Variants in TBC1D5 observed in about 807,000 individuals in gnomAD.
The protein encoded by TBC1D5 is TBC1 domain family, member 5.
A neutral mutation model predicts 100.3 loss-of-function variants in TBC1D5; 75 were observed. That is an observed-to-expected ratio of 0.75 (90% CI 0.62 to 0.91). The LOEUF (loss-of-function observed/expected upper bound fraction) is 0.91. Ranked by LOEUF, TBC1D5 falls within the 40% of genes least tolerant of loss-of-function variation. TBC1D5 has a pLI of 0.00. For missense variants in TBC1D5, 910 were observed against 942.4 expected (o/e 0.97, Z 0.45); for synonymous variants, 323 against 325.6 (o/e 0.99, Z 0.09).
intron 1 of TBC1D5, among the ~76,000 whole-genome samples, chr3:17,734,244 G>A (rs948491504): frequency 1.3e-5 from 2 of 152,084 alleles, no homozygotes; most frequent in Non-Finnish European, 2.9e-5. Context: ...CTTTATAAAT[G>A]TTTTATATAC....
chr3:17,188,149 A>C (rs983844218), intron 18 of TBC1D5, among the ~76,000 whole-genome samples: 2 of 152,238 alleles, frequency 1.3e-5, no homozygotes, highest in Admixed American at 6.5e-5. Context: ...TTCCTCTAGC[A>C]GGAACATTAC....
chr3:17,215,386 C>G (rs1053928793), intron 17 of TBC1D5, among the ~76,000 whole-genome samples: 16 of 152,080 alleles, frequency 1.1e-4, no homozygotes, highest in African/African-American at 3.9e-4. Context: ...AGAGAAGAGT[C>G]AAGCTCAACT....
chr3:17,549,924 T>C (rs970495929), intron 2 of TBC1D5, among the ~76,000 whole-genome samples: 10 of 150,896 alleles, frequency 6.6e-5, no homozygotes, highest in African/African-American at 2.4e-4. Context: ...AATGAGACTC[T>C]GTCTAAAATA....
chr3:17,736,657 C>CCTAG (rs1312705110), intron 1 of TBC1D5, among the ~76,000 whole-genome samples: 1 of 152,140 alleles, frequency 6.6e-6, no homozygotes, highest in Non-Finnish European at 1.5e-5. Flanking sequence ...GTTAGGAACT[C>CCTAG]CTCTAGAACT....
chr3:17,161,883 T>C lies in TBC1D5; in HGVS notation c.2095-627A>G, dbSNP rs375351341. 2.6e-5 allele frequency among the ~76,000 whole-genome samples: 4 copies of C among 152,238 alleles called. No individual in the cohort carries two copies. In the East Asian group the frequency reaches 5.8e-4, roughly 22 times the overall value. ...TGCACACAGGGGTCTCCTGGAGCAA[T>C]GGTGGTAACCGGTAGGTTCTACAAA... On this transcript the variant is annotated intron_variant, in intron 21 of 21. Coordinates refer to ENST00000253692, the Ensembl canonical transcript of TBC1D5.
At chr3:17,383,741 G>A (rs1281436438) in intron 9 of TBC1D5, among the ~76,000 whole-genome samples, 172 bp downstream of exon 9, 1 of 149,934 alleles carries the variant, frequency 6.7e-6, no homozygotes, top group African/African-American at 2.5e-5. Context: ...AAGCATATGT[G>A]CTTCAATGAG....
intron 17 of TBC1D5, among the ~76,000 whole-genome samples, chr3:17,225,439 C>CAAAA (rs35631452): frequency 2.3e-5 from 2 of 88,348 alleles, no homozygotes; most frequent in Non-Finnish European, 4.4e-5. Context: ...GACTCGGTCT[C>CAAAA]AAAAAAAAAA....
intron 19 of TBC1D5, among the ~76,000 whole-genome samples, chr3:17,172,604 GAA>G (rs1206034077): frequency 6.6e-6 from 1 of 152,144 alleles, no homozygotes; most frequent in Non-Finnish European, 1.5e-5. Context: ...AACTAAAGGG[GAA>G]ACTGTCACAT....
chr3:17,316,857 T>C (rs940736428), intron 13 of TBC1D5, among the ~76,000 whole-genome samples: 11 of 152,310 alleles, frequency 7.2e-5, no homozygotes, highest in Non-Finnish European at 1.0e-4. Context: ...ATGCCAGCCC[T>C]GATTTGATCA....
intron 1 of TBC1D5, among the ~76,000 whole-genome samples, chr3:17,704,228 A>T (rs1290650303): frequency 7.4e-6 from 1 of 134,788 alleles, no homozygotes; most frequent in Non-Finnish European, 1.6e-5. Flanking sequence ...CAGAGAGCAC[A>T]GGGTTGGGGG....
chr3:17,270,792 A>C (rs887901172), intron 15 of TBC1D5, among the ~76,000 whole-genome samples: 3 of 152,092 alleles, frequency 2.0e-5, no homozygotes, highest in Non-Finnish European at 2.9e-5. Context: ...TAATTGTTGT[A>C]TATGGTGAAG....
rs537293094 is a variant in TBC1D5, at chr3:17,616,903, T to C, written c.-36+6946A>G. On this transcript the variant is annotated intron_variant, in intron 2 of 21. Transcript: ENST00000253692. ...GCCCATTTACATTTAAGGTTAATAT[T>C]GTTATGTGTGAATTTGATCCTGTCA... Among the ~76,000 whole-genome samples, 162 of 152,328 alleles carry C rather than the reference T, an allele frequency of 1.1e-3. 1 individual carries two copies. Among genetic ancestry groups the C allele is most frequent in the African/African-American group, 3.8e-3 (157 of 41,574 alleles).
intron 8 of TBC1D5, among the ~76,000 whole-genome samples, chr3:17,386,546 T>C (rs966880028): frequency 6.6e-6 from 1 of 152,200 alleles, no homozygotes; most frequent in African/African-American, 2.4e-5. Flanking sequence ...AGACCACAGC[T>C]TACACGTCTG....
chr3:17,384,085 C>A, intron 8 of TBC1D5, 70 bp from the exon 9 acceptor site: 2 of 1,350,868 alleles, frequency 1.5e-6, no homozygotes, highest in South Asian at 1.4e-5. Flanking sequence ...ATTCTCATCT[C>A]GAAGACGTGC....
intron 1 of TBC1D5, among the ~76,000 whole-genome samples, chr3:17,701,770 A>G (rs1051160700): frequency 2.6e-5 from 4 of 152,132 alleles, no homozygotes; most frequent in African/African-American, 9.7e-5. Flanking sequence ...GCAGGTATAT[A>G]TGTGGGTAAT....
intron 15 of TBC1D5, among the ~76,000 whole-genome samples, chr3:17,276,946 A>C (rs2733485): frequency 0.42 from 63,701 of 152,070 alleles, 14,061 homozygotes; most frequent in Middle Eastern, 0.5. Context: ...AATGGAAGGT[A>C]AAAGCTGAAG....
At chr3:17,428,138 A>C (rs1187007060) in intron 4 of TBC1D5, among the ~76,000 whole-genome samples, 1 of 151,836 alleles carries the variant, frequency 6.6e-6, no homozygotes, top group African/African-American at 2.4e-5. Flanking sequence ...ACAAAAATAG[A>C]TTATAATGAA....
intron 13 of TBC1D5, among the ~76,000 whole-genome samples, chr3:17,360,516 T>G (rs1029217325): frequency 3.3e-5 from 5 of 152,008 alleles, no homozygotes; most frequent in Admixed American, 3.3e-4. Context: ...GTATGTTCTA[T>G]CATGAACTAT....
intron 1 of TBC1D5, among the ~76,000 whole-genome samples, chr3:17,730,496 C>A (rs1247625284): frequency 6.6e-6 from 1 of 152,160 alleles, no homozygotes; most frequent in Non-Finnish European, 1.5e-5. Flanking sequence ...TTTAGTACCT[C>A]TAGTAAATAG....
Sources: gnomAD v4.1 joint callset for allele counts (sites outside exome capture counted in the v4.1 genomes callset) on GRCh38, gnomAD v4.1.1 for gene constraint, MANE v1.5 for transcripts, NCBI Gene and HGNC (gene_info 2026-07-23, HGNC 2026-07-21) for gene names.